CNBD1: variants seen among roughly 807,000 people sequenced by gnomAD.
CNBD1 encodes cyclic nucleotide binding domain containing 1, also known as cyclic nucleotide-binding domain-containing protein 1.
In CNBD1, 71 loss-of-function variants were observed where a neutral mutation model predicts 54.4. That is an observed-to-expected ratio of 1.30 (90% confidence interval 1.08 to 1.59). The LOEUF (loss-of-function observed/expected upper bound fraction) is 1.59. CNBD1 is among the 40% of genes most tolerant of loss of function. CNBD1 has a pLI of 0.00. For synonymous variants in CNBD1, 182 were observed against 170.7 expected, an observed-to-expected ratio of 1.07 and a Z score of -0.51; for missense variants, 659 against 518.0, an observed-to-expected ratio of 1.27 and a Z score of -2.64.
chr8:87,424,091 T>G (rs1417486944), intron 2 of CNBD1, among the ~76,000 whole-genome samples: 1 of 152,198 alleles, frequency 6.6e-6, no homozygotes, highest in Non-Finnish European at 1.5e-5. Context: ...TCTCTGATGG[T>G]AGTTTGTATT....
intron 4 of CNBD1, among the ~76,000 whole-genome samples, chr8:86,954,624 C>T (rs1427024782): frequency 6.6e-6 from 1 of 152,150 alleles, no homozygotes; most frequent in Non-Finnish European, 1.5e-5. Context: ...ACTCTCCTTA[C>T]ACACTTTGTA....
intron 4 of CNBD1, among the ~76,000 whole-genome samples, chr8:87,062,370 A>G (rs1810564198): frequency 6.6e-6 from 1 of 151,992 alleles, no homozygotes; most frequent in Non-Finnish European, 1.5e-5. Context: ...AGGTACTTAC[A>G]TTATTAAGAA....
intron 4 of CNBD1, among the ~76,000 whole-genome samples, chr8:86,955,353 TGG>T (rs1298949610): frequency 6.6e-6 from 1 of 152,298 alleles, no homozygotes; most frequent in Admixed American, 6.5e-5. Context: ...TACCCAGTAA[TGG>T]GATGCCTGGG....
chr8:87,385,556 A>G (rs1258172297), downstream of CNBD1, among the ~76,000 whole-genome samples: 1 of 152,100 alleles, frequency 6.6e-6, no homozygotes, highest in African/African-American at 2.4e-5. Flanking sequence ...GCAAGGCAGC[A>G]GTGAGGCTGG....
At position 87,347,240 on chromosome 8, in the gene CNBD1, G is replaced by T. The variant is rs975718309; in HGVS notation, c.1043-4445G>T. On this transcript the variant is annotated intron_variant, in intron 8 of 10. Coordinates refer to ENST00000518476, the MANE Select transcript of CNBD1 (RefSeq NM_173538.3). ...TAAATATTTTATCCAGAATTTTTAG[G>T]AGGACTACTTGGGGAAGGGTTTCAG... Among the ~76,000 whole-genome samples the T allele has an allele frequency of 1.4e-4, 22 of 152,190 alleles. No homozygotes were observed. The East Asian group carries it at 4.2e-3, about 29-fold the overall frequency.
At chr8:86,907,799 A>G (rs1809040880) in intron 3 of CNBD1, among the ~76,000 whole-genome samples, 1 of 152,216 alleles carries the variant, frequency 6.6e-6, no homozygotes, top group Non-Finnish European at 1.5e-5. Flanking sequence ...TCAGTGTGAT[A>G]TATCTATAGA....
At chr8:87,041,003 A>T (rs1810055128) in intron 4 of CNBD1, among the ~76,000 whole-genome samples, 1 of 152,088 alleles carries the variant, frequency 6.6e-6, no homozygotes, top group Non-Finnish European at 1.5e-5. Flanking sequence ...AAATACTTAA[A>T]TATAGAAAAA....
intron 4 of CNBD1, among the ~76,000 whole-genome samples, chr8:87,183,481 G>C (rs142709165): frequency 7.2e-6 from 1 of 139,204 alleles, no homozygotes; most frequent in East Asian, 2.4e-4. Flanking sequence ...GACTCCTCTT[G>C]TATCTCGATG....
chr8:87,387,624 C>T (rs977183955), downstream of CNBD1, among the ~76,000 whole-genome samples: 2 of 152,130 alleles, frequency 1.3e-5, no homozygotes, highest in African/African-American at 4.8e-5. Context: ...TAGAGACCAA[C>T]AAAGACACTT....
intron 2 of CNBD1, among the ~76,000 whole-genome samples, chr8:87,390,755 G>A (rs796298296): frequency 1.3e-5 from 2 of 152,096 alleles, no homozygotes; most frequent in Non-Finnish European, 2.9e-5. Context: ...ATACCCGAAG[G>A]CTTATAAAAC....
intron 4 of CNBD1, among the ~76,000 whole-genome samples, chr8:87,089,873 T>C (rs1811172222): frequency 6.6e-6 from 1 of 152,136 alleles, no homozygotes; most frequent in South Asian, 2.1e-4. Flanking sequence ...TATTTGATAA[T>C]ACAGCTAATA....
chr8:87,131,789 A>T (rs1323407152), intron 4 of CNBD1, among the ~76,000 whole-genome samples: 1 of 152,024 alleles, frequency 6.6e-6, no homozygotes, highest in Non-Finnish European at 1.5e-5. Flanking sequence ...AATTGTGTTT[A>T]ACCACCTCAA....
intron 2 of CNBD1, among the ~76,000 whole-genome samples, chr8:87,416,835 A>C (rs906568322): frequency 6.6e-6 from 1 of 152,026 alleles, no homozygotes; most frequent in African/African-American, 2.4e-5. Flanking sequence ...AAGATAAGAA[A>C]ACTACAGATC....
chr8:87,364,788 C>A (rs1205133918), intron 10 of CNBD1, among the ~76,000 whole-genome samples: 1 of 152,200 alleles, frequency 6.6e-6, no homozygotes, highest in South Asian at 2.1e-4. Flanking sequence ...TAATGTCCCC[C>A]AGTTCCATCC....
At chr8:87,366,717 A>G (rs560863413) in intron 10 of CNBD1, among the ~76,000 whole-genome samples, 1 of 152,166 alleles carries the variant, frequency 6.6e-6, no homozygotes, top group Admixed American at 6.6e-5. Context: ...TAAGGAGAGC[A>G]TGACAGGTAT....
At chr8:87,150,093 C>T (rs1055989947) in intron 4 of CNBD1, among the ~76,000 whole-genome samples, 3 of 151,932 alleles carry the variant, frequency 2.0e-5, no homozygotes, top group African/African-American at 7.2e-5. Flanking sequence ...AGGAGAATGG[C>T]GTGAACCCGG....
At chr8:87,272,202 A>G (rs552707442) in intron 6 of CNBD1, among the ~76,000 whole-genome samples, 1 of 151,980 alleles carries the variant, frequency 6.6e-6, no homozygotes, top group South Asian at 2.1e-4. Context: ...ACATTAATAG[A>G]TTGCACATTT....
chr8:87,345,069 C>A (rs537967169), intron 8 of CNBD1, among the ~76,000 whole-genome samples: 10 of 152,248 alleles, frequency 6.6e-5, no homozygotes, highest in Non-Finnish European at 1.5e-4. Flanking sequence ...GTTAGAGTAT[C>A]TCTTTTGATG....
At chr8:87,384,723 A>T (rs1180571117), downstream of CNBD1, among the ~76,000 whole-genome samples, 1 of 152,222 alleles carries the variant, frequency 6.6e-6, no homozygotes, top group Admixed American at 6.5e-5. Flanking sequence ...GTATAAGATC[A>T]TGGGTCCAAT....
Sources: allele counts gnomAD v4.1 joint callset (sites outside exome capture counted in the v4.1 genomes callset), GRCh38; gene constraint gnomAD v4.1.1; transcripts MANE v1.5; gene names NCBI Gene and HGNC (gene_info 2026-07-23, HGNC 2026-07-21).